The following HEATR4 variants were observed in gnomAD, a reference collection of about 807,000 sequenced individuals.
The protein encoded by HEATR4 is HEAT repeat-containing protein 4.
HEATR4 carries 95 observed loss-of-function variants against 108.8 expected under a neutral mutation model. The observed-to-expected ratio is 0.87, with a 90% CI of 0.74 to 1.04. The LOEUF (loss-of-function observed/expected upper bound fraction) is 1.04, where lower values mean the gene tolerates loss of function less well. Ranked by LOEUF, HEATR4 falls within the 50% of genes least tolerant of loss-of-function variation. HEATR4 has a pLI of 0.00. For missense variants in HEATR4, 1,152 were observed against 1,253.8 expected, an observed-to-expected ratio of 0.92 and a Z score of 1.23; for synonymous variants, 443 against 459.4, an observed-to-expected ratio of 0.96 and a Z score of 0.46.
At chr14:73,587,734 GATTTA>G in the HEATR4 span, among the ~76,000 whole-genome samples, 1 of 152,204 alleles carries the variant, frequency 6.6e-6, no homozygotes. Context: ...AACACAAGTG[GATTTA>G]ATTTATCTCC....
chr14:73,491,879 T>C (rs1468355050), intron 17 of HEATR4: 1 of 1,611,722 alleles, frequency 6.2e-7, no homozygotes. Flanking sequence ...CGCCGCGTGG[T>C]CCCTGTACCA....
chr14:73,607,759 G>A, the HEATR4 span, among the ~76,000 whole-genome samples: 4 of 151,984 alleles, frequency 2.6e-5, no homozygotes, highest in Non-Finnish European at 4.4e-5. Flanking sequence ...AAGTAGCTGG[G>A]ATTACAGGCA....
At chr14:73,518,247 C>T (rs114430895) in intron 5 of HEATR4, among the ~76,000 whole-genome samples, 1 of 151,966 alleles carries the variant, frequency 6.6e-6, no homozygotes, top group Non-Finnish European at 1.5e-5. Flanking sequence ...GCAGGCCAGG[C>T]AACCCTGTCA....
intron 17 of HEATR4, among the ~76,000 whole-genome samples, chr14:73,488,378 C>A (rs888453524): frequency 6.6e-6 from 1 of 152,150 alleles, no homozygotes; most frequent in Non-Finnish European, 1.5e-5. Flanking sequence ...TCATGCAATT[C>A]TCCTGCCTCA....
rs774430090 is a variant in HEATR4, at chr14:73,520,978, C to T, written c.943G>A (p.Glu315Lys). 3.8e-5 allele frequency: 61 copies of T among 1,613,656 alleles called. No individual in the cohort carries two copies. The highest frequency in any genetic ancestry group is 4.2e-5 in the Non-Finnish European group (50 of 1,179,996). ...AGGCTCGTCTTTTCATGGATATCCT[C>T]AGTGCTCTTGTTGCCAGGCATGATC... ...VEIMPGNKST[E>K]DIHEKTSLSQ... is the part of the protein sequence containing the mutation. Residue 315 changes from glutamate to lysine, a missense_variant, in exon 4 of 18, where the codon GAG becomes AAG. Glu to Lys is a moderately conservative substitution (Grantham distance 56). Transcript: ENST00000553558.
At chr14:73,576,931 T>C in the HEATR4 span, among the ~76,000 whole-genome samples, 4 of 106,928 alleles carry the variant, frequency 3.7e-5, no homozygotes, top group African/African-American at 1.2e-4. Context: ...TCTTTTCTTT[T>C]CTTTTTTTTT....
chr14:73,491,654 A>T (rs916361645), intron 17 of HEATR4: 1 of 1,549,488 alleles, frequency 6.5e-7, no homozygotes, highest in Non-Finnish European at 8.7e-7. Context: ...CATCGCGCCC[A>T]TGCCGCCAGA....
intron 13 of HEATR4, 88 bp downstream of exon 13, chr14:73,498,983 C>T: frequency 9.2e-7 from 1 of 1,089,240 alleles, no homozygotes; most frequent in East Asian, 2.4e-5. Context: ...TGCACTTCAC[C>T]CCATTAGAGA....
Position 73,521,020 on chromosome 14 carries a change from G to C in HEATR4, c.901C>G (p.Gln301Glu). The change falls in exon 4 of 18, where the codon CAA becomes GAA. Residue 301 changes from glutamine (Q) to glutamate (E), a missense_variant. By Grantham distance (29) the Gln-to-Glu change is conservative. Coordinates refer to ENST00000553558, the MANE Select transcript of HEATR4 (RefSeq NM_001220484.1). Reference protein sequence around the residue: ...VYYRLPSYFQQAETVEIMPGN... With the variant: ...VYYRLPSYFQEAETVEIMPGN... ...GGCATGATCTCAACTGTCTCTGCTT[G>C]TTGGAAGTAACTGGGCAATCTTGGC... is the stretch of plus-strand genomic sequence containing the variant. 2 of 1,613,608 alleles carry C rather than the reference G, an allele frequency of 1.2e-6. No homozygotes were observed. Among genetic ancestry groups the C allele is most frequent in the South Asian group, 1.1e-5 (1 of 91,046 alleles).
chr14:73,626,414 G>A, the HEATR4 span, among the ~76,000 whole-genome samples: 1 of 152,194 alleles, frequency 6.6e-6, no homozygotes, highest in Admixed American at 6.6e-5. Context: ...CCAGAGCAAG[G>A]CCCTAATTCT....
chr14:73,572,473 G>A, the HEATR4 span, among the ~76,000 whole-genome samples: 1 of 151,722 alleles, frequency 6.6e-6, no homozygotes, highest in African/African-American at 2.4e-5. Flanking sequence ...AAAATATTAA[G>A]GTACATAATC....
rs1212081300 is a variant in HEATR4 at position 73,532,507 on chromosome 14, C to A, written c.-151-2263G>T. Reference sequence around the variant, plus strand: ...TGGGCCTAAGGCTCTGTCTCGTTGACCCAGCTCATGCTATTCAGGTGGTCC... The same window carrying A: ...TGGGCCTAAGGCTCTGTCTCGTTGAACCAGCTCATGCTATTCAGGTGGTCC... On this transcript the variant is annotated intron_variant, in intron 1 of 17. Coordinates refer to ENST00000553558, the MANE Select transcript of HEATR4 (RefSeq NM_001220484.1). Among the ~76,000 whole-genome samples, 2 of 115,274 alleles carry A rather than the reference C, an allele frequency of 1.7e-5. 1 individual carries two copies. The highest frequency in any genetic ancestry group is 3.8e-5 in the Non-Finnish European group (2 of 53,080). The allele number at this position is 115,274 out of a possible 152,430, so 75.6% of individuals were successfully genotyped here.
At chr14:73,608,241 A>G in the HEATR4 span, among the ~76,000 whole-genome samples, 9 of 152,252 alleles carry the variant, frequency 5.9e-5, no homozygotes, top group Admixed American at 3.3e-4. Flanking sequence ...TCTTTTCTAT[A>G]GCATAGTCAG....
the HEATR4 span, among the ~76,000 whole-genome samples, chr14:73,607,653 C>T: frequency 3.1e-4 from 47 of 151,822 alleles, no homozygotes; most frequent in African/African-American, 9.7e-4. Context: ...GGAAGACTTT[C>T]GCTCTTGTCA....
At chr14:73,593,336 C>CTTTTTTTTTTTTTTTTTTTTTTTT in the HEATR4 span, among the ~76,000 whole-genome samples, 1 of 104,870 alleles carries the variant, frequency 9.5e-6, no homozygotes, top group Non-Finnish European at 1.8e-5. Context: ...TTCTTTCTTT[C>CTTTTTTTTTTTTTTTTTTTTTTTT]TTTTTTTTTT....
intron 1 of HEATR4, chr14:73,537,954 C>T: frequency 5.8e-6 from 6 of 1,031,050 alleles, no homozygotes; most frequent in Admixed American, 4.8e-5. Flanking sequence ...TGTGTGTGTC[C>T]CCTTCGCCCC....
intron 10 of HEATR4, among the ~76,000 whole-genome samples, chr14:73,504,825 G>A (rs1886710074): frequency 6.6e-6 from 1 of 152,194 alleles, no homozygotes; most frequent in African/African-American, 2.4e-5. Flanking sequence ...AGAAGGGAAA[G>A]CTCCCATTTG....
chr14:73,510,724 C>T (rs917127987), intron 7 of HEATR4, among the ~76,000 whole-genome samples: 4 of 152,204 alleles, frequency 2.6e-5, no homozygotes, highest in Non-Finnish European at 4.4e-5. Flanking sequence ...GTGTGAGCCA[C>T]CACACCTGGC....
At chr14:73,479,105 A>AT (rs201176343) in intron 17 of HEATR4, among the ~76,000 whole-genome samples, 1 of 149,724 alleles carries the variant, frequency 6.7e-6, no homozygotes, top group Non-Finnish European at 1.5e-5. Flanking sequence ...CGCCCAGCTA[A>AT]TTTTTTTGTT....
Sources: gnomAD v4.1 joint callset for allele counts (sites outside exome capture counted in the v4.1 genomes callset) on GRCh38, gnomAD v4.1.1 for gene constraint, MANE v1.5 for transcripts, NCBI Gene and HGNC (gene_info 2026-07-23, HGNC 2026-07-21) for gene names.